The following OR7C1 variants were observed in gnomAD, a reference collection of about 807,000 sequenced individuals.
The protein encoded by OR7C1 is olfactory receptor family 7 subfamily C member 1, also known as olfactory receptor 7C1.
For missense variants in OR7C1, 324 were observed against 383.3 expected (o/e 0.85, Z 1.29); for synonymous variants, 152 against 160.7 (o/e 0.95, Z 0.41).
At chr19:14,813,842 A>T (rs2044703932) in intron 1 of OR7C1, among the ~76,000 whole-genome samples, 1 of 152,132 alleles carries the variant, frequency 6.6e-6, no homozygotes, top group Non-Finnish European at 1.5e-5. Context: ...CTTCCTTGAC[A>T]CATGGGGATT....
intron 2 of OR7C1, among the ~76,000 whole-genome samples, chr19:14,805,364 C>T (rs2044661315): frequency 6.6e-6 from 1 of 150,944 alleles, no homozygotes; most frequent in Non-Finnish European, 1.5e-5. Context: ...TCATGTCTCC[C>T]ATGATGGTCC....
At chr19:14,813,895 A>G (rs1339840421) in intron 1 of OR7C1, among the ~76,000 whole-genome samples, 1 of 152,174 alleles carries the variant, frequency 6.6e-6, no homozygotes, top group African/African-American at 2.4e-5. Context: ...GAGCCATACC[A>G]TATTGTACAC....
At chr19:14,808,422 C>T (rs1205640427) in intron 2 of OR7C1, among the ~76,000 whole-genome samples, 6 of 151,948 alleles carry the variant, frequency 3.9e-5, no homozygotes, top group East Asian at 3.8e-4. Flanking sequence ...ATACAGCCAA[C>T]GGAATACTAC....
chr19:14,823,127 C>CT (rs1262241461), intron 1 of OR7C1, among the ~76,000 whole-genome samples: 1 of 152,098 alleles, frequency 6.6e-6, no homozygotes, highest in African/African-American at 2.4e-5. Context: ...AGGTTTATAG[C>CT]TTCAGGTGTT....
chr19:14,823,798 A>T (rs2044752294), intron 1 of OR7C1, among the ~76,000 whole-genome samples: 1 of 151,854 alleles, frequency 6.6e-6, no homozygotes, highest in South Asian at 2.1e-4. Flanking sequence ...ATTTTCATTT[A>T]ATTTTTGTAT....
chr19:14,799,579 C>T (rs2044629025), exon 5 of OR7C1: 6 of 1,614,008 alleles, frequency 3.7e-6, no homozygotes, highest in African/African-American at 1.3e-5. Flanking sequence ...AACAGGCGAG[C>T]TTCAGGACTT....
At chr19:14,814,704 C>T (rs952066604) in intron 1 of OR7C1, among the ~76,000 whole-genome samples, 2 of 152,096 alleles carry the variant, frequency 1.3e-5, no homozygotes, top group African/African-American at 2.4e-5. Context: ...GGATTACAGG[C>T]GTAAGCCACC....
intron 1 of OR7C1, among the ~76,000 whole-genome samples, chr19:14,811,582 TA>T (rs1194418644): frequency 6.6e-6 from 1 of 151,636 alleles, no homozygotes; most frequent in East Asian, 1.9e-4. Flanking sequence ...GCTTATCCTT[TA>T]GGGGGGCCAA....
chr19:14,825,329 A>G (rs1334882758), intron 1 of OR7C1: 2 of 152,222 alleles, frequency 1.3e-5, no homozygotes, highest in Non-Finnish European at 2.9e-5. Context: ...CAAAACGTAC[A>G]GAGTTGTGGT....
intron 2 of OR7C1, among the ~76,000 whole-genome samples, chr19:14,809,313 G>A (rs2044680096): frequency 6.6e-6 from 1 of 151,970 alleles, no homozygotes. Context: ...AGATGGTAAA[G>A]TTGAAATAGA....
exon 5 of OR7C1, chr19:14,798,990 G>T: frequency 1.6e-6 from 1 of 619,352 alleles, no homozygotes; most frequent in Non-Finnish European, 2.4e-6. Context: ...GCTGCTTTTT[G>T]TTAACGGGGA....
exon 5 of OR7C1, chr19:14,799,942 G>A (rs1316433266): frequency 6.2e-7 from 1 of 1,614,106 alleles, no homozygotes; most frequent in Admixed American, 1.7e-5. Flanking sequence ...CAAAAGACAG[G>A]TTGGAGAGGA....
chr19:14,833,303 A>C (rs555635601), intron 1 of OR7C1, among the ~76,000 whole-genome samples: 1 of 152,356 alleles, frequency 6.6e-6, no homozygotes, highest in African/African-American at 2.4e-5. Flanking sequence ...ATATGGCGAA[A>C]CGCCATCTCT....
chr19:14,811,365 C>T (rs1159370755), intron 1 of OR7C1, among the ~76,000 whole-genome samples: 2 of 151,890 alleles, frequency 1.3e-5, no homozygotes, highest in African/African-American at 4.9e-5. Context: ...TGCGTCATTT[C>T]AATCTCCTCT....
chr19:14,799,499 C>G (rs1473445838), exon 5 of OR7C1: 2 of 1,614,128 alleles, frequency 1.2e-6, no homozygotes, highest in Non-Finnish European at 1.7e-6. Flanking sequence ...GAAAAATATT[C>G]CAGTGAAGGA....
At chr19:14,798,730 C>T (rs2044623321) in exon 5 of OR7C1, 1 of 155,372 alleles carries the variant, frequency 6.4e-6, no homozygotes, top group Admixed American at 6.4e-5. Context: ...GGCTGCCCCA[C>T]CCTAATCTTT....
intron 1 of OR7C1, chr19:14,824,143 T>G (rs2044754154): frequency 6.6e-6 from 1 of 152,218 alleles, no homozygotes; most frequent in Admixed American, 6.5e-5. Flanking sequence ...AGGGACAGGA[T>G]CCTAAATTAT....
intron 1 of OR7C1, chr19:14,827,185 C>T (rs1157185064): frequency 8.8e-6 from 11 of 1,250,062 alleles, no homozygotes; most frequent in Non-Finnish European, 1.1e-5. Context: ...TTGAAACTCC[C>T]AGAAATATAA....
chr19:14,810,951 CA>C (rs1208102440), intron 1 of OR7C1, among the ~76,000 whole-genome samples: 1 of 151,456 alleles, frequency 6.6e-6, no homozygotes, highest in Non-Finnish European at 1.5e-5. Context: ...CATTTCTTCC[CA>C]ATGGGAAGGA....
Sources: gnomAD v4.1 joint callset for allele counts (sites outside exome capture counted in the v4.1 genomes callset) on GRCh38, gnomAD v4.1.1 for gene constraint, MANE v1.5 for transcripts, NCBI Gene and HGNC (gene_info 2026-07-23, HGNC 2026-07-21) for gene names.